LUZP2: variants seen among roughly 807,000 people sequenced by gnomAD.
The protein encoded by LUZP2 is leucine zipper protein 2.
A neutral mutation model predicts 51.6 loss-of-function variants in LUZP2; 52 were observed. That is an observed-to-expected ratio of 1.01 (90% CI 0.81 to 1.27). The LOEUF is 1.27. Among genes scored for constraint, LUZP2 ranks in the 50% most tolerant of loss-of-function variants. The pLI is 0.00. For missense variants in LUZP2, 436 were observed against 395.4 expected (o/e 1.10, Z -0.87); for synonymous variants, 154 against 137.3 (o/e 1.12, Z -0.85).
chr11:24,970,183 C>T (rs1855703701), intron 7 of LUZP2, among the ~76,000 whole-genome samples: 1 of 152,068 alleles, frequency 6.6e-6, no homozygotes, highest in Non-Finnish European at 1.5e-5. Flanking sequence ...TACTAGAGGT[C>T]TTGGAACAAA....
intron 1 of LUZP2, among the ~76,000 whole-genome samples, chr11:24,690,812 T>G (rs1439655735): frequency 6.6e-6 from 1 of 152,060 alleles, no homozygotes; most frequent in African/African-American, 2.4e-5. Flanking sequence ...GAACTGAACA[T>G]GTTCTAGATG....
chr11:25,031,405 A>T (rs750062494), intron 9 of LUZP2, among the ~76,000 whole-genome samples: 4 of 152,058 alleles, frequency 2.6e-5, no homozygotes, highest in African/African-American at 9.7e-5. Context: ...TCAATTGCTT[A>T]TGTGTTTTCC....
At chr11:24,938,835 G>A (rs781528389) in intron 7 of LUZP2, among the ~76,000 whole-genome samples, 1 of 152,132 alleles carries the variant, frequency 6.6e-6, no homozygotes, top group Non-Finnish European at 1.5e-5. Flanking sequence ...CTTAGCTTTA[G>A]CTACATGGAA....
intron 1 of LUZP2, among the ~76,000 whole-genome samples, chr11:24,591,887 G>A (rs1049864712): frequency 6.7e-6 from 1 of 149,456 alleles, no homozygotes. Context: ...GAAAATGTTT[G>A]GAGCAATTAT....
intron 1 of LUZP2, among the ~76,000 whole-genome samples, chr11:24,678,023 C>T (rs998693249): frequency 4.8e-5 from 6 of 125,984 alleles, no homozygotes; most frequent in East Asian, 2.3e-4. Flanking sequence ...GGCGACAGAG[C>T]GAGACTCCGT....
At chr11:24,682,625 T>TGC (rs1856778146) in intron 1 of LUZP2, among the ~76,000 whole-genome samples, 1 of 99,246 alleles carries the variant, frequency 1.0e-5, no homozygotes, top group South Asian at 3.8e-4. Flanking sequence ...TGTATATATA[T>TGC]ATATACACAT....
At chr11:24,561,160 A>G (rs1852027320) in intron 1 of LUZP2, among the ~76,000 whole-genome samples, 1 of 152,208 alleles carries the variant, frequency 6.6e-6, no homozygotes, top group South Asian at 2.1e-4. Context: ...TCAGATGGAT[A>G]GCACACATTC....
chr11:24,859,951 C>A (rs74424168), intron 5 of LUZP2, among the ~76,000 whole-genome samples: 1 of 152,196 alleles, frequency 6.6e-6, no homozygotes, highest in South Asian at 2.1e-4. Flanking sequence ...GAGGGAGGGG[C>A]GACAAGAAAT....
At position 24,729,289 on chromosome 11, in the gene LUZP2, G is replaced by A. The variant is rs751354613; in HGVS notation, c.180+3G>A. 2 of 1,493,386 alleles carry A rather than the reference G, an allele frequency of 1.3e-6. No homozygotes were observed. Among genetic ancestry groups the A allele is most frequent in the African/African-American group, 1.4e-5 (1 of 71,588 alleles). The allele number at this position is 1,493,386 out of a possible 1,614,324, so 92.5% of individuals were successfully genotyped here. ...ATGGAATTAAAGTCAATCTTCAGGT[G>A]AGATGAGAACTCATTTTCCGAGCAG... On this transcript the variant is annotated splice_donor_region_variant and intron_variant, in intron 2 of 11. Transcript: ENST00000336930.
intron 7 of LUZP2, among the ~76,000 whole-genome samples, chr11:24,923,170 A>G (rs1434300986): frequency 1.3e-5 from 2 of 151,778 alleles, no homozygotes; most frequent in East Asian, 3.9e-4. Context: ...TCTTAATCGA[A>G]GTATTTTGAT....
At chr11:24,712,366 C>T (rs577435347) in intron 1 of LUZP2, among the ~76,000 whole-genome samples, 13 of 152,108 alleles carry the variant, frequency 8.5e-5, no homozygotes, top group South Asian at 6.2e-4. Flanking sequence ...GGCTATATCA[C>T]TCCACTGCAC....
chr11:24,654,309 T>G (rs1425062387), intron 1 of LUZP2, among the ~76,000 whole-genome samples: 1 of 152,246 alleles, frequency 6.6e-6, no homozygotes, highest in African/African-American at 2.4e-5. Context: ...AATGTTCTGT[T>G]AAATATTCTG....
chr11:24,843,627 A>T (rs1851102965), intron 5 of LUZP2, among the ~76,000 whole-genome samples: 1 of 152,204 alleles, frequency 6.6e-6, no homozygotes, highest in Non-Finnish European at 1.5e-5. Context: ...TTGCTAGCTT[A>T]TACATCTATG....
At chr11:24,917,855 T>C (rs1325590875) in intron 7 of LUZP2, among the ~76,000 whole-genome samples, 1 of 152,198 alleles carries the variant, frequency 6.6e-6, no homozygotes, top group Non-Finnish European at 1.5e-5. Flanking sequence ...AAAGTAGTTT[T>C]TTCCAATTCT....
At chr11:25,012,039 G>T (rs1856999489) in intron 9 of LUZP2, among the ~76,000 whole-genome samples, 1 of 152,054 alleles carries the variant, frequency 6.6e-6, no homozygotes, top group South Asian at 2.1e-4. Flanking sequence ...TAACAAAATG[G>T]TTCATTTTTA....
intron 1 of LUZP2, among the ~76,000 whole-genome samples, chr11:24,692,107 C>A (rs1203968547): frequency 1.4e-5 from 2 of 147,084 alleles, no homozygotes; most frequent in South Asian, 4.2e-4. Context: ...TTTTTCTATT[C>A]TTATTTCTTG....
intron 5 of LUZP2, among the ~76,000 whole-genome samples, chr11:24,826,190 A>AAAAAATGTAT (rs1215786412): frequency 5.9e-5 from 4 of 67,536 alleles, no homozygotes; most frequent in Non-Finnish European, 1.0e-4. Context: ...AAAAAAAAAA[A>AAAAAATGTAT]ATATATATAT....
intron 1 of LUZP2, among the ~76,000 whole-genome samples, chr11:24,684,872 A>C (rs1355740994): frequency 6.6e-6 from 1 of 152,180 alleles, no homozygotes; most frequent in Non-Finnish European, 1.5e-5. Flanking sequence ...GGCTAACATA[A>C]AGCAATAGTT....
intron 5 of LUZP2, among the ~76,000 whole-genome samples, chr11:24,803,011 T>C (rs868696686): frequency 5.9e-5 from 9 of 152,202 alleles, no homozygotes; most frequent in Middle Eastern, 3.4e-3. Flanking sequence ...TTACCCAGTC[T>C]GTGGTATTTG....
Sources: allele counts gnomAD v4.1 joint callset (sites outside exome capture counted in the v4.1 genomes callset), GRCh38; gene constraint gnomAD v4.1.1; transcripts MANE v1.5; gene names NCBI Gene and HGNC (gene_info 2026-07-23, HGNC 2026-07-21).